Variants in HEG1 observed in about 807,000 individuals in gnomAD.
The protein encoded by HEG1 is protein HEG homolog 1.
Under a neutral mutation model 125.6 loss-of-function variants are expected in HEG1, and 56 were observed. That is an observed-to-expected ratio of 0.45 (90% CI 0.36 to 0.56). HEG1 has a LOEUF of 0.56. HEG1 is among the 20% of genes least tolerant of loss of function. The pLI is 0.00. For synonymous variants in HEG1, 644 were observed against 668.5 expected (o/e 0.96, Z 0.57); for missense variants, 1,523 against 1,670.0 (o/e 0.91, Z 1.53).
chr3:124,984,364 CA>C, intron 14 of HEG1, among the ~76,000 whole-genome samples: 1 of 150,274 alleles, frequency 6.7e-6, no homozygotes, highest in Non-Finnish European at 1.5e-5. Flanking sequence ...AGAGACGTGG[CA>C]AATATGAAAG....
chr3:124,988,720 C>G (rs1936784345), intron 14 of HEG1, among the ~76,000 whole-genome samples: 1 of 152,030 alleles, frequency 6.6e-6, no homozygotes, highest in Non-Finnish European at 1.5e-5. Flanking sequence ...AGATCGGGAC[C>G]ATCCTGGCCA....
chr3:125,027,291 C>T lies in HEG1; in HGVS notation c.827G>A (p.Arg276Lys), dbSNP rs1304796479. The T allele has an allele frequency of 6.2e-7, 1 of 1,613,558 alleles. No individual in the cohort carries two copies. Among genetic ancestry groups the T allele is most frequent in the African/African-American group, 1.3e-5 (1 of 74,912 alleles). Residue 276 changes from arginine (R) to lysine (K), a missense_variant, in exon 3 of 17, where the codon AGG becomes AAG. Physicochemically the swap from Arg to Lys is conservative, Grantham distance 26. Coordinates refer to ENST00000311127, the MANE Select transcript of HEG1 (RefSeq NM_020733.2). ...ATCTGGTCCTGAGGAATTTCTCTTCCTAGAAGGCGTGGTCAGCTCTCCCAT... is the reference window on the plus strand; with the variant it reads ...ATCTGGTCCTGAGGAATTTCTCTTCTTAGAAGGCGTGGTCAGCTCTCCCAT... Reference protein sequence around the residue: ...LEMGELTTPSRKRNSSGPDLS... With the variant: ...LEMGELTTPSKKRNSSGPDLS...
chr3:125,020,813 G>A lies in HEG1; in HGVS notation c.1231C>T (p.Arg411Cys), dbSNP rs376273378. The A allele has an allele frequency of 3.1e-6, 5 of 1,612,922 alleles. No individual in the cohort carries two copies. The highest frequency in any genetic ancestry group is 1.1e-5 in the South Asian group (1 of 91,012). The part of the protein sequence containing the change: ...TENEFGLTSL[R>C]WQNDSPTFGE... ...TTACTTGGGGAATCATTTTGCCAAC[G>A]CAAAGACGTAAGTCCAAATTCATTT... Residue 411 changes from arginine (R) to cysteine (C), a missense_variant, in exon 4 of 17, where the codon CGT (arginine) becomes TGT (cysteine). Arg to Cys is a radical substitution (Grantham distance 180, BLOSUM62 -3). Coordinates refer to ENST00000311127, the MANE Select transcript of HEG1 (RefSeq NM_020733.2).
At position 124,966,913 on chromosome 3, in the gene HEG1, A is replaced by T. The variant is rs185860100; in HGVS notation, c.*3739T>A. On this transcript the variant is annotated 3_prime_UTR_variant, in exon 17 of 17. Transcript: ENST00000311127. ...CTGCTCTGGGAACTTTCACATCTGA[A>T]TAGGTGTCATCCTTCAATGGCATAT... is the stretch of plus-strand genomic sequence containing the variant. The T allele has an allele frequency of 5.9e-5, 9 of 152,360 alleles. No homozygotes were observed. The highest frequency in any genetic ancestry group is 2.2e-4 in the African/African-American group (9 of 41,576). 9.4% of individuals were successfully genotyped at this position (152,360 alleles called of 1,614,324 possible).
chr3:125,051,065 C>T (rs924041882), intron 1 of HEG1, among the ~76,000 whole-genome samples: 6 of 152,200 alleles, frequency 3.9e-5, no homozygotes, highest in Non-Finnish European at 7.3e-5. Flanking sequence ...AAGAAAGTCA[C>T]CAATTCATTT....
At chr3:125,038,004 G>A (rs1937562536) in intron 1 of HEG1, among the ~76,000 whole-genome samples, 1 of 152,198 alleles carries the variant, frequency 6.6e-6, no homozygotes, top group African/African-American at 2.4e-5. Flanking sequence ...CTGGTACACA[G>A]TGAATGCTAC....
At chr3:124,999,563 C>G (rs1341655340) in intron 11 of HEG1, among the ~76,000 whole-genome samples, 1 of 152,254 alleles carries the variant, frequency 6.6e-6, no homozygotes, top group Non-Finnish European at 1.5e-5. Flanking sequence ...ATTAATCCAG[C>G]CTGCTGGCAA....
chr3:125,055,983 G>A lies in HEG1; in HGVS notation c.-93C>T, dbSNP rs984248057. 1.3e-4 allele frequency: 83 copies of A among 648,780 alleles called. No individual in the cohort carries two copies. The African/African-American group carries it at 1.6e-3, about 12-fold the overall frequency. The allele number at this position is 648,780 out of a possible 1,614,324, so 40.2% of individuals were successfully genotyped here. ...GGCGGCGGGGGCCGCGCGGGGCCGG[G>A]GAAGTGAGCGGAGTGAGGCTGCGAG... On this transcript the variant is annotated 5_prime_UTR_variant, in exon 1 of 17. Transcript: ENST00000311127.
Position 124,967,846 on chromosome 3 carries a change from T to C in HEG1, c.*2806A>G, listed in dbSNP as rs1330457468. ...CCTAAAGAAACAGACTCCAGGGCCTTAGGCTGGCTCAAGGGGCAGAGGAAA... is the reference window on the plus strand; with the variant it reads ...CCTAAAGAAACAGACTCCAGGGCCTCAGGCTGGCTCAAGGGGCAGAGGAAA... On this transcript the variant is annotated 3_prime_UTR_variant, in exon 17 of 17. Coordinates refer to ENST00000311127, the MANE Select transcript of HEG1 (RefSeq NM_020733.2). 6.6e-6 allele frequency: 1 copy of C among 152,200 alleles called. No individual in the cohort carries two copies. Among genetic ancestry groups the C allele is most frequent in the African/African-American group, 2.4e-5 (1 of 41,416 alleles). 9.4% of individuals were successfully genotyped at this position (152,200 alleles called of 1,614,324 possible).
At chr3:125,052,502 G>A (rs1286699780) in intron 1 of HEG1, among the ~76,000 whole-genome samples, 1 of 152,186 alleles carries the variant, frequency 6.6e-6, no homozygotes, top group African/African-American at 2.4e-5. Context: ...GGGTGGGAAA[G>A]TTCTTTCCTT....
chr3:124,985,273 T>C (rs898184463), intron 14 of HEG1, among the ~76,000 whole-genome samples: 1 of 152,156 alleles, frequency 6.6e-6, no homozygotes, highest in Non-Finnish European at 1.5e-5. Context: ...ATGGTGAACA[T>C]AGTGTTTAAT....
chr3:124,981,350 G>C (rs2635), intron 14 of HEG1, among the ~76,000 whole-genome samples: 50,392 of 151,220 alleles, frequency 0.33, 8,869 homozygotes, highest in East Asian at 0.48. Flanking sequence ...GGATGTCACA[G>C]TTATGTCAAG....
At chr3:125,026,379 T>C (rs371432240) in intron 3 of HEG1, among the ~76,000 whole-genome samples, 2 of 152,106 alleles carry the variant, frequency 1.3e-5, no homozygotes, top group Non-Finnish European at 2.9e-5. Flanking sequence ...TGACCTGCTA[T>C]GATGAGGTGT....
rs567612199 is a variant in HEG1 at position 124,968,505 on chromosome 3, C to G, written c.*2147G>C. ...AGCATTGTTGGAACTCACAGGACAC[C>G]GTTTTCTCGATGTTGGGATTCTTCC... On this transcript the variant is annotated 3_prime_UTR_variant, in exon 17 of 17. Transcript: ENST00000311127. 2.6e-5 allele frequency: 4 copies of G among 152,186 alleles called. No homozygotes were observed. Among genetic ancestry groups the G allele is most frequent in the Non-Finnish European group, 5.9e-5 (4 of 68,054 alleles). 9.4% of individuals were successfully genotyped at this position (152,186 alleles called of 1,614,324 possible).
intron 12 of HEG1, among the ~76,000 whole-genome samples, chr3:124,993,410 G>C (rs1936863719): frequency 6.6e-6 from 1 of 152,178 alleles, no homozygotes; most frequent in African/African-American, 2.4e-5. Context: ...CCCAATCTTT[G>C]ATACCTGAGT....
At chr3:125,018,765 G>C (rs931844464) in intron 5 of HEG1, among the ~76,000 whole-genome samples, 7 of 152,012 alleles carry the variant, frequency 4.6e-5, no homozygotes, top group Non-Finnish European at 1.0e-4. Context: ...AAAAAACTGG[G>C]GGATATATAG....
intron 1 of HEG1, among the ~76,000 whole-genome samples, chr3:125,048,051 G>T (rs967747769): frequency 6.6e-6 from 1 of 152,100 alleles, no homozygotes; most frequent in South Asian, 2.1e-4. Context: ...TCTTCAGTGA[G>T]GTCAGATCCT....
In HEG1 at chr3:124,977,944, A is replaced by G. The variant is rs1193496947; in HGVS notation, c.3736T>C (p.Tyr1246His). ...GCGATCACCACAGTGATAAGCTGAT[A>G]GGCTAAACGTAAAACAAACAAAAAA... ...GLGGLNCGNP[Y>H]QLITVVIAAA... is the part of the protein sequence containing the mutation. Residue 1246 changes from tyrosine (Y) to histidine (H), a missense_variant and splice_region_variant, in exon 15 of 17, where the codon TAT becomes CAT. Tyr to His is a moderately conservative substitution (Grantham distance 83). Transcript: ENST00000311127. The G allele has an allele frequency of 7.7e-6, 12 of 1,566,176 alleles. No homozygotes were observed. The highest frequency in any genetic ancestry group is 1.0e-5 in the Non-Finnish European group (12 of 1,156,350).
intron 10 of HEG1, 62 bp from the exon 11 acceptor site, chr3:125,002,074 T>C: frequency 6.3e-7 from 1 of 1,588,390 alleles, no homozygotes; most frequent in Non-Finnish European, 8.6e-7. Context: ...CCAAGGCTTT[T>C]GGAAATGAAT....
Sources: allele counts gnomAD v4.1 joint callset (sites outside exome capture counted in the v4.1 genomes callset), GRCh38; gene constraint gnomAD v4.1.1; transcripts MANE v1.5; gene names NCBI Gene and HGNC (gene_info 2026-07-23, HGNC 2026-07-21).